WASHC5: variants seen among roughly 807,000 people sequenced by gnomAD.
The protein encoded by WASHC5 is WASH complex subunit strumpellin.
WASHC5 carries 101 observed loss-of-function variants against 150.4 expected under a neutral mutation model. That is an observed-to-expected ratio of 0.67 (90% confidence interval 0.57 to 0.79). WASHC5 has a LOEUF of 0.79. WASHC5 is among the 30% of genes least tolerant of loss of function. The pLI is 0.00. For synonymous variants in WASHC5, 467 were observed against 491.2 expected, an observed-to-expected ratio of 0.95 and a Z score of 0.65; for missense variants, 1,195 against 1,396.3, an observed-to-expected ratio of 0.86 and a Z score of 2.30.
At chr8:125,055,418 C>G (rs1268506041) in intron 17 of WASHC5, among the ~76,000 whole-genome samples, 173 bp downstream of exon 17, 5 of 152,036 alleles carry the variant, frequency 3.3e-5, no homozygotes, top group Admixed American at 3.3e-4. Flanking sequence ...GAGAGAGAGA[C>G]TCTGTCTCAA....
chr8:125,066,798 T>G (rs1816754591), intron 10 of WASHC5, among the ~76,000 whole-genome samples: 1 of 152,160 alleles, frequency 6.6e-6, no homozygotes, highest in Non-Finnish European at 1.5e-5. Flanking sequence ...AAAGACGACT[T>G]GATATTCTTC....
In WASHC5 at chr8:125,038,957, G is replaced by A; in HGVS notation, c.2957C>T (p.Ala986Val). Reference protein sequence around the residue: ...LAAALENLNKALLADIEAHYQ... With the variant: ...LAAALENLNKVLLADIEAHYQ... The stretch of plus-strand genomic sequence containing the variant: ...GTGGGCTTCAATGTCTGCTAGGAGA[G>A]CCCTAAAGGAAGAAAAACCCTGGAG... The change falls in exon 25 of 29, where the codon GCT (alanine) becomes GTT (valine). Residue 986 changes from alanine to valine, a missense_variant and splice_region_variant. Ala to Val is a moderately conservative substitution (Grantham distance 64, BLOSUM62 0). Coordinates refer to ENST00000318410, the MANE Select transcript of WASHC5 (RefSeq NM_014846.4). The A allele has an allele frequency of 6.2e-7, 1 of 1,613,626 alleles. No homozygotes were observed. Among genetic ancestry groups the A allele is most frequent in the Non-Finnish European group, 8.5e-7 (1 of 1,179,610 alleles).
At chr8:125,024,823 C>G in intron 28 of WASHC5, 150 bp from the exon 29 acceptor site, 2 of 653,144 alleles carry the variant, frequency 3.1e-6, no homozygotes, top group South Asian at 1.8e-5. Flanking sequence ...CAGCCCCTTT[C>G]TGCTTGTGGT....
rs201182812 is a variant in WASHC5 at position 125,076,310 on chromosome 8, C to T, written c.864+38G>A. On this transcript the variant is annotated intron_variant, in intron 7 of 28. Transcript: ENST00000318410. The stretch of plus-strand genomic sequence containing the variant: ...AAAGAATGGGAAGTTAGTTCTCTAA[C>T]ACATTTACTGTAGAGGAAAAAAATT... 1.6e-4 allele frequency: 261 copies of T among 1,597,866 alleles called. 1 individual carries two copies. The African/African-American group carries it at 1.8e-3, about 11-fold the overall frequency.
intron 18 of WASHC5, 43 bp downstream of exon 18, chr8:125,050,521 G>T: frequency 1.4e-6 from 2 of 1,390,648 alleles, no homozygotes; most frequent in Non-Finnish European, 2.0e-6. Context: ...CATGCTGCAA[G>T]CTGGGCGGAG....
intron 7 of WASHC5, 86 bp from the exon 8 acceptor site, chr8:125,075,197 C>A (rs1052450343): frequency 2.6e-5 from 22 of 833,652 alleles, no homozygotes; most frequent in Middle Eastern, 2.4e-4. Context: ...AAGGCAATAC[C>A]CACTCCATGT....
chr8:125,059,150 A>C, intron 14 of WASHC5, 72 bp downstream of exon 14: 1 of 1,075,152 alleles, frequency 9.3e-7, no homozygotes, highest in Non-Finnish European at 1.4e-6. Context: ...TCCTGGGCTG[A>C]ATTAATGAAT....
At chr8:125,080,320 C>T (rs1327148155) in intron 5 of WASHC5, among the ~76,000 whole-genome samples, 1 of 152,062 alleles carries the variant, frequency 6.6e-6, no homozygotes, top group Non-Finnish European at 1.5e-5. Context: ...TTTCCAGGTA[C>T]TCTCAGAAAT....
intron 1 of WASHC5, among the ~76,000 whole-genome samples, chr8:125,087,532 C>A (rs1817455006): frequency 6.6e-6 from 1 of 151,948 alleles, no homozygotes; most frequent in South Asian, 2.1e-4. Flanking sequence ...AGTTCAAGAC[C>A]AGTCTGGGCA....
Position 125,091,732 on chromosome 8 carries a change from C to T in WASHC5, c.-242G>A, listed in dbSNP as rs532605252. 6.6e-6 allele frequency: 1 copy of T among 152,500 alleles called. No homozygotes were observed. Among genetic ancestry groups the T allele is most frequent in the South Asian group, 2.1e-4 (1 of 4,834 alleles). 9.4% of individuals were successfully genotyped at this position (152,500 alleles called of 1,614,324 possible). Reference sequence around the variant, plus strand: ...TCCTCTTCTATCCGCAGTCCCGGACCTGGAGCGGGTCAGACCCCGACTTCC... The same window carrying T: ...TCCTCTTCTATCCGCAGTCCCGGACTTGGAGCGGGTCAGACCCCGACTTCC... On this transcript the variant is annotated 5_prime_UTR_variant, in exon 1 of 29. Coordinates refer to ENST00000318410, the MANE Select transcript of WASHC5 (RefSeq NM_014846.4).
chr8:125,063,629 T>G lies in WASHC5; in HGVS notation c.1301A>C (p.Glu434Ala), dbSNP rs1025362157. The G allele has an allele frequency of 6.2e-7, 1 of 1,613,816 alleles. No individual in the cohort carries two copies. Among genetic ancestry groups the G allele is most frequent in the Non-Finnish European group, 8.5e-7 (1 of 1,179,814 alleles). The stretch of plus-strand genomic sequence containing the variant: ...GTAATGCTCCCATTTGGTTTGCTTT[T>G]CTGAAAGCATTTGCTTGAACATCTG... Reference protein sequence around the residue: ...LKEMFKQMLSEKQTKWEHYKK... With the variant: ...LKEMFKQMLSAKQTKWEHYKK... Residue 434 changes from glutamate to alanine, a missense_variant, in exon 11 of 29, where the codon GAA becomes GCA. This residue lies in a region of WASHC5 where 997 missense variants were observed against 1,168.1 expected (regional missense o/e 0.85). Coordinates refer to ENST00000318410, the MANE Select transcript of WASHC5 (RefSeq NM_014846.4).
chr8:125,067,831 A>G, intron 9 of WASHC5, 112 bp from the exon 10 acceptor site: 2 of 1,098,014 alleles, frequency 1.8e-6, no homozygotes, highest in Non-Finnish European at 1.4e-6. Context: ...AGTAATAAGC[A>G]AAATGTATAT....
At position 125,044,053 on chromosome 8, in the gene WASHC5, T is replaced by A; in HGVS notation, c.2709A>T (p.Arg903Ser). The change falls in exon 22 of 29, where the codon AGA (arginine) becomes AGT (serine). Residue 903 changes from arginine (R) to serine (S), a missense_variant. Transcript: ENST00000318410. ...SMFQKIILRD[R>S]TVQDTLKTLM... ...GGGTTTTTAAAGTGTCCTGAACAGT[T>A]CTGTCTCTCAGGATAATTTTCTGAA... 1.9e-6 allele frequency: 3 copies of A among 1,613,700 alleles called. No individual in the cohort carries two copies. The highest frequency in any genetic ancestry group is 1.7e-6 in the Non-Finnish European group (2 of 1,179,612).
intron 3 of WASHC5, 178 bp downstream of exon 3, chr8:125,082,935 G>A: frequency 1.9e-6 from 1 of 539,034 alleles, no homozygotes; most frequent in Non-Finnish European, 3.3e-6. Context: ...GGACATTATA[G>A]TAAAACTTCA....
At chr8:125,030,408 C>G (rs1815493580) in intron 27 of WASHC5, among the ~76,000 whole-genome samples, 1 of 152,138 alleles carries the variant, frequency 6.6e-6, no homozygotes, top group Non-Finnish European at 1.5e-5. Context: ...TGAAGCAAGT[C>G]TTAACATCTA....
intron 14 of WASHC5, among the ~76,000 whole-genome samples, chr8:125,058,616 T>C (rs188344409): frequency 8.9e-4 from 135 of 152,100 alleles, no homozygotes; most frequent in African/African-American, 3.2e-3. Context: ...GGCATGGTGG[T>C]GAACACCTGT....
Position 125,074,815 on chromosome 8 carries a change from T to C in WASHC5, c.978+183A>G, listed in dbSNP as rs1004350. ...ATCCTAATCTTCAATTTACATATACTATATAACAAAACCTACAATTACCTA... is the reference window on the plus strand; with the variant it reads ...ATCCTAATCTTCAATTTACATATACCATATAACAAAACCTACAATTACCTA... On this transcript the variant is annotated intron_variant, in intron 8 of 28. Transcript: ENST00000318410. Among the ~76,000 whole-genome samples, 16,780 of 152,212 alleles carry C rather than the reference T, an allele frequency of 0.11. 2,161 individuals are homozygous for C. Among genetic ancestry groups the C allele is most frequent in the African/African-American group, 0.31 (12,817 of 41,490 alleles).
intron 25 of WASHC5, among the ~76,000 whole-genome samples, chr8:125,038,552 G>A (rs1815784395): frequency 3.3e-5 from 5 of 152,296 alleles, no homozygotes; most frequent in South Asian, 4.1e-4. Context: ...ATGACTGAAC[G>A]GCAAACCCCA....
intron 27 of WASHC5, among the ~76,000 whole-genome samples, chr8:125,030,320 C>G (rs1284834981): frequency 6.6e-6 from 1 of 152,186 alleles, no homozygotes; most frequent in Non-Finnish European, 1.5e-5. Context: ...CAACTGACCT[C>G]ACTTCGTGAT....
Sources: gnomAD v4.1 joint callset for allele counts (sites outside exome capture counted in the v4.1 genomes callset) on GRCh38, gnomAD v4.1.1 for gene constraint, gnomAD v4.1.1 regional missense constraint, MANE v1.5 for transcripts, NCBI Gene and HGNC (gene_info 2026-07-23, HGNC 2026-07-21) for gene names.